GOLM1: variants seen among roughly 807,000 people sequenced by gnomAD.
GOLM1 encodes the protein golgi membrane protein 1.
Under a neutral mutation model 50.5 loss-of-function variants are expected in GOLM1, and 31 were observed. That is an observed-to-expected ratio of 0.61 (90% confidence interval 0.46 to 0.83). The LOEUF is 0.83. GOLM1 is among the 40% of genes least tolerant of loss of function. The probability of loss-of-function intolerance (pLI) is 0.00; values close to 1 mark genes in which losing one functional copy is unlikely to be tolerated. For synonymous variants in GOLM1, 178 were observed against 192.8 expected, an observed-to-expected ratio of 0.92 and a Z score of 0.64; for missense variants, 491 against 501.3, an observed-to-expected ratio of 0.98 and a Z score of 0.20.
chr9:86,027,405 C>T lies in GOLM1; in HGVS notation c.*412G>A. The stretch of plus-strand genomic sequence containing the variant: ...AGGCTGGCACCAGCACTTGGTACAG[C>T]ACGTGGACAGGACGACGGAACCCAG... On this transcript the variant is annotated 3_prime_UTR_variant, in exon 10 of 10. Transcript: ENST00000388712. 9.9e-7 allele frequency: 1 copy of T among 1,009,876 alleles called. No individual in the cohort carries two copies. The highest frequency in any genetic ancestry group is 1.2e-6 in the Non-Finnish European group (1 of 845,972). The allele number at this position is 1,009,876 out of a possible 1,614,324, so 62.6% of individuals were successfully genotyped here.
At chr9:86,096,795 C>A (rs184057060) in intron 1 of GOLM1, among the ~76,000 whole-genome samples, 1 of 152,224 alleles carries the variant, frequency 6.6e-6, no homozygotes, top group Non-Finnish European at 1.5e-5. Context: ...ACCATAACAG[C>A]AAATACATGT....
intron 1 of GOLM1, 25 bp from the exon 2 acceptor site, chr9:86,079,366 A>T (rs1372678259): frequency 6.5e-7 from 1 of 1,539,406 alleles, no homozygotes; most frequent in South Asian, 1.2e-5. Flanking sequence ...CAAATAAATA[A>T]ACATCAATAC....
At chr9:86,047,218 C>T (rs10124002) in intron 4 of GOLM1, among the ~76,000 whole-genome samples, 20,415 of 152,100 alleles carry the variant, frequency 0.13, 3,737 homozygotes, top group African/African-American at 0.4. Flanking sequence ...AGAGCCCTAG[C>T]GGACAAAGGG....
chr9:86,053,622 A>AACC (rs1564347477), intron 3 of GOLM1, among the ~76,000 whole-genome samples: 1 of 2,286 alleles, frequency 4.4e-4, no homozygotes. Context: ...CACCACACCA[A>AACC]ACATCACTAC....
At chr9:86,073,396 G>A (rs1419632668) in intron 3 of GOLM1, among the ~76,000 whole-genome samples, 1 of 152,080 alleles carries the variant, frequency 6.6e-6, no homozygotes. Flanking sequence ...AGGTGAGGAC[G>A]GATTGCTCTG....
chr9:86,099,641 G>C (rs917774017), upstream of GOLM1: 1 of 149,720 alleles, frequency 6.7e-6, no homozygotes, highest in Non-Finnish European at 1.5e-5. Context: ...GCGGAGAAGC[G>C]AGGCAGGGGC....
chr9:86,071,485 C>T (rs1237910608), intron 3 of GOLM1, among the ~76,000 whole-genome samples: 1 of 152,030 alleles, frequency 6.6e-6, no homozygotes, highest in Non-Finnish European at 1.5e-5. Flanking sequence ...TCGAGACCAG[C>T]CTGGCCAACA....
chr9:86,026,961 C>G lies in GOLM1; in HGVS notation c.*856G>C, dbSNP rs534197551. 3.0e-6 allele frequency: 3 copies of G among 985,282 alleles called. No homozygotes were observed. The highest frequency in any genetic ancestry group is 3.6e-6 in the Non-Finnish European group (3 of 829,928). The allele number at this position is 985,282 out of a possible 1,614,324, so 61.0% of individuals were successfully genotyped here. A position where few individuals can be genotyped will look rare whatever the true frequency, so the allele number is the denominator to read the frequency against. On this transcript the variant is annotated 3_prime_UTR_variant, in exon 10 of 10. Coordinates refer to ENST00000388712, the MANE Select transcript of GOLM1 (RefSeq NM_016548.4). The stretch of plus-strand genomic sequence containing the variant: ...AATAAAGTAGGCACAGATCTGTCCA[C>G]AACAAACTTGCCCTCTCATGCCTTG...
intron 5 of GOLM1, among the ~76,000 whole-genome samples, chr9:86,041,812 T>A (rs1357132001): frequency 6.6e-6 from 1 of 152,024 alleles, no homozygotes. Flanking sequence ...CTGTGCTAAG[T>A]GGGTAGTATC....
intron 8 of GOLM1, among the ~76,000 whole-genome samples, chr9:86,034,796 T>C (rs1320056841): frequency 6.6e-6 from 1 of 152,098 alleles, no homozygotes; most frequent in East Asian, 1.9e-4. Context: ...GGAAGGACAT[T>C]TTCCATATCT....
chr9:86,043,480 GCA>G (rs1833428768), intron 5 of GOLM1, among the ~76,000 whole-genome samples: 1 of 152,204 alleles, frequency 6.6e-6, no homozygotes, highest in Admixed American at 6.5e-5. Flanking sequence ...TGCACAAATT[GCA>G]CACTTTAGGC....
At chr9:86,089,253 G>A (rs1037069654) in intron 1 of GOLM1, among the ~76,000 whole-genome samples, 25 of 151,990 alleles carry the variant, frequency 1.6e-4, no homozygotes, top group African/African-American at 5.3e-4. Flanking sequence ...TGCTCTTCTC[G>A]AGGAGTATCT....
rs972965616 is a variant in GOLM1, at chr9:86,099,509, G to T, written c.-120C>A. The T allele has an allele frequency of 1.3e-5, 2 of 149,714 alleles. No individual in the cohort carries two copies. Among genetic ancestry groups the T allele is most frequent in the Admixed American group, 6.7e-5 (1 of 15,022 alleles). The allele number at this position is 149,714 out of a possible 1,614,324, so 9.3% of individuals were successfully genotyped here. ...CGCCGCCGGCCTCGAGCTCCGGCCG[G>T]CTCCGCGCCGTGCGCCCAGCGCCTC... On this transcript the variant is annotated 5_prime_UTR_variant, in exon 1 of 10. Transcript: ENST00000388712.
intron 9 of GOLM1, among the ~76,000 whole-genome samples, chr9:86,029,065 G>C (rs867160548): frequency 5.9e-4 from 90 of 151,924 alleles, no homozygotes; most frequent in African/African-American, 2.0e-3. Context: ...CACCCTGTTA[G>C]CCAGGATGAT....
Position 86,026,449 on chromosome 9 carries a change from C to T in GOLM1, c.*1368G>A. On this transcript the variant is annotated 3_prime_UTR_variant, in exon 10 of 10. Transcript: ENST00000388712. ...GCTTCAGTGACTGTGTGCCTGTAGT[C>T]CCAGCTACTCGGGAGTCTGTGTGAG... The T allele has an allele frequency of 1.0e-6, 1 of 982,514 alleles. No individual in the cohort carries two copies. The highest frequency in any genetic ancestry group is 1.7e-5 in the African/African-American group (1 of 57,244). 60.9% of individuals were successfully genotyped at this position (982,514 alleles called of 1,614,324 possible).
At position 86,029,543 on chromosome 9, in the gene GOLM1, G is replaced by A. The variant is rs371647677; in HGVS notation, c.1130-1650C>T. 1.3e-3 allele frequency among the ~76,000 whole-genome samples: 199 copies of A among 152,102 alleles called. 4 individuals carry two copies. The South Asian group carries it at 0.033, about 26-fold the overall frequency. ...CATCACAAATAAAACCTAAAACCAC[G>A]GTCTTGATTTATAACTATGGCACAT... On this transcript the variant is annotated intron_variant, in intron 9 of 9. Transcript: ENST00000388712.
intron 5 of GOLM1, among the ~76,000 whole-genome samples, chr9:86,044,219 C>T (rs1217976312): frequency 6.6e-6 from 1 of 152,228 alleles, no homozygotes; most frequent in Non-Finnish European, 1.5e-5. Context: ...GGGGACAAGA[C>T]TGCCCCCACG....
intron 8 of GOLM1, among the ~76,000 whole-genome samples, chr9:86,034,060 G>GTT (rs199936834): frequency 0.014 from 2,103 of 151,948 alleles, 47 homozygotes; most frequent in African/African-American, 0.047. Context: ...CGCCTCCGGG[G>GTT]TTCAAGCGAT....
At chr9:86,034,593 G>A (rs1188122603) in intron 8 of GOLM1, among the ~76,000 whole-genome samples, 1 of 152,220 alleles carries the variant, frequency 6.6e-6, no homozygotes, top group Admixed American at 6.5e-5. Flanking sequence ...GGATACTTAG[G>A]GGGAGGCTGA....
Sources: allele counts gnomAD v4.1 joint callset (sites outside exome capture counted in the v4.1 genomes callset), GRCh38; gene constraint gnomAD v4.1.1; transcripts MANE v1.5; gene names NCBI Gene and HGNC (gene_info 2026-07-23, HGNC 2026-07-21).